The following NXPH1 variants were observed in gnomAD, a reference collection of about 807,000 sequenced individuals.
NXPH1 encodes neurexophilin-1.
A neutral mutation model predicts 23.7 loss-of-function variants in NXPH1; 5 were observed. That is an observed-to-expected ratio of 0.21 (90% CI 0.11 to 0.44). The LOEUF (loss-of-function observed/expected upper bound fraction) is 0.44. Ranked by LOEUF, NXPH1 falls within the 20% of genes least tolerant of loss-of-function variation. The pLI is 0.99. For missense variants in NXPH1, 324 were observed against 321.6 expected (o/e 1.01, Z -0.06); for synonymous variants, 144 against 122.2 (o/e 1.18, Z -1.18).
At chr7:8,437,332 C>T (rs919706285) in intron 2 of NXPH1, among the ~76,000 whole-genome samples, 1 of 131,514 alleles carries the variant, frequency 7.6e-6, no homozygotes, top group Non-Finnish European at 1.5e-5. Flanking sequence ...AAAGTTTGGC[C>T]AGAAGAAATA....
At chr7:8,501,878 G>T (rs1388505406) in intron 2 of NXPH1, among the ~76,000 whole-genome samples, 1 of 152,044 alleles carries the variant, frequency 6.6e-6, no homozygotes, top group African/African-American at 2.4e-5. Flanking sequence ...GCAATTAGAG[G>T]GTAAGGCCTA....
chr7:8,612,513 G>C (rs945783955), intron 2 of NXPH1, among the ~76,000 whole-genome samples: 1 of 151,890 alleles, frequency 6.6e-6, no homozygotes, highest in Admixed American at 6.6e-5. Flanking sequence ...TACTGACTTG[G>C]CCAGTTTTGC....
intron 2 of NXPH1, among the ~76,000 whole-genome samples, chr7:8,593,881 T>A (rs1819158581): frequency 6.6e-6 from 1 of 152,124 alleles, no homozygotes; most frequent in African/African-American, 2.4e-5. Context: ...GGTAAAAATA[T>A]ATTTAAAGCA....
chr7:8,519,355 T>C (rs916138059), intron 2 of NXPH1, among the ~76,000 whole-genome samples: 1 of 152,180 alleles, frequency 6.6e-6, no homozygotes, highest in African/African-American at 2.4e-5. Flanking sequence ...CTGAGTAATA[T>C]ATATTCTGCA....
chr7:8,709,900 A>G (rs948238251), intron 2 of NXPH1, among the ~76,000 whole-genome samples: 3 of 152,200 alleles, frequency 2.0e-5, no homozygotes, highest in African/African-American at 7.2e-5. Context: ...CAAGTAGTTG[A>G]ACTTACTGCC....
chr7:8,678,661 C>T (rs1431338997), intron 2 of NXPH1, among the ~76,000 whole-genome samples: 1 of 152,180 alleles, frequency 6.6e-6, no homozygotes, highest in East Asian at 1.9e-4. Context: ...CCTACGGGTC[C>T]GCAGAGCCTC....
intron 2 of NXPH1, among the ~76,000 whole-genome samples, chr7:8,598,426 C>T (rs1819277424): frequency 6.6e-6 from 1 of 152,100 alleles, no homozygotes; most frequent in South Asian, 2.1e-4. Context: ...TGGTTCCCTT[C>T]CTTGGTGGTG....
At chr7:8,464,295 C>T (rs977285341) in intron 2 of NXPH1, among the ~76,000 whole-genome samples, 4 of 152,166 alleles carry the variant, frequency 2.6e-5, no homozygotes, top group Non-Finnish European at 5.9e-5. Flanking sequence ...CTTGCCACTT[C>T]CATCTATCAT....
At chr7:8,552,786 C>T (rs978194659) in intron 2 of NXPH1, among the ~76,000 whole-genome samples, 1 of 151,494 alleles carries the variant, frequency 6.6e-6, no homozygotes, top group Non-Finnish European at 1.5e-5. Context: ...TTCGACTACC[C>T]TTAATTAAAA....
rs141821506 is a variant in NXPH1, at chr7:8,579,054, T to C, written c.54+143287T>C. Among the ~76,000 whole-genome samples, 1,065 of 152,292 alleles carry C rather than the reference T, an allele frequency of 7.0e-3. 4 individuals are homozygous for C. The highest frequency in any genetic ancestry group is 0.012 in the Non-Finnish European group (803 of 68,018). ...GGCAGAGGCCAGGTACTCATCACCTTAGACCACTCAGTACCACATGTTTGT... is the reference window on the plus strand; with the variant it reads ...GGCAGAGGCCAGGTACTCATCACCTCAGACCACTCAGTACCACATGTTTGT... On this transcript the variant is annotated intron_variant, in intron 2 of 2. Transcript: ENST00000405863.
intron 2 of NXPH1, among the ~76,000 whole-genome samples, chr7:8,496,364 C>G (rs575401959): frequency 6.2e-4 from 95 of 152,086 alleles, no homozygotes; most frequent in Non-Finnish European, 1.1e-3. Flanking sequence ...AGAAAGAAGG[C>G]AGAAATTTTA....
chr7:8,729,689 A>G (rs1228304161), intron 2 of NXPH1, among the ~76,000 whole-genome samples: 1 of 148,112 alleles, frequency 6.8e-6, no homozygotes, highest in Admixed American at 6.7e-5. Flanking sequence ...GTTTGATTGC[A>G]CTGTGGTCTG....
intron 2 of NXPH1, among the ~76,000 whole-genome samples, chr7:8,530,220 T>C (rs1442366110): frequency 6.6e-6 from 1 of 152,136 alleles, no homozygotes; most frequent in African/African-American, 2.4e-5. Flanking sequence ...TTGTGAGATG[T>C]CAGAAAGACA....
intron 2 of NXPH1, among the ~76,000 whole-genome samples, chr7:8,656,682 A>G (rs1456890309): frequency 4.0e-5 from 6 of 151,754 alleles, no homozygotes; most frequent in African/African-American, 9.7e-5. Flanking sequence ...TCCCAATGCT[A>G]TCCCTCCCCG....
chr7:8,473,119 T>C (rs1816896100), intron 2 of NXPH1, among the ~76,000 whole-genome samples: 1 of 152,184 alleles, frequency 6.6e-6, no homozygotes, highest in African/African-American at 2.4e-5. Flanking sequence ...TGATGGTCTT[T>C]TAAAATCTTT....
At chr7:8,491,847 G>T (rs909145031) in intron 2 of NXPH1, among the ~76,000 whole-genome samples, 1 of 152,056 alleles carries the variant, frequency 6.6e-6, no homozygotes, top group African/African-American at 2.4e-5. Context: ...TGCAGCTTCA[G>T]CTGACTGACT....
chr7:8,720,577 C>T (rs561728827), intron 2 of NXPH1, among the ~76,000 whole-genome samples: 2 of 152,186 alleles, frequency 1.3e-5, no homozygotes, highest in South Asian at 2.1e-4. Context: ...ACATTAGCTT[C>T]GCTTAAACAA....
intron 2 of NXPH1, among the ~76,000 whole-genome samples, chr7:8,514,891 ACTGT>A (rs1817664521): frequency 6.6e-6 from 1 of 152,126 alleles, no homozygotes. Context: ...AATTTACTTT[ACTGT>A]CTTAGTTTCC....
chr7:8,599,216 G>C (rs1819299729), intron 2 of NXPH1, among the ~76,000 whole-genome samples: 1 of 152,084 alleles, frequency 6.6e-6, no homozygotes, highest in African/African-American at 2.4e-5. Context: ...TATTTGAGCT[G>C]AGCCTTAGGA....
Sources: allele counts gnomAD v4.1 joint callset (sites outside exome capture counted in the v4.1 genomes callset), GRCh38; gene constraint gnomAD v4.1.1; transcripts MANE v1.5; gene names NCBI Gene and HGNC (gene_info 2026-07-23, HGNC 2026-07-21).